The following SSPN variants were observed in gnomAD, a reference collection of about 807,000 sequenced individuals.
SSPN encodes the protein sarcospan, also known as K-ras oncogene-associated protein.
Under a neutral mutation model 19.1 loss-of-function variants are expected in SSPN, and 15 were observed. The ratio of observed to expected loss-of-function variants is 0.78; its 90% CI spans 0.52 to 1.21. SSPN has a LOEUF of 1.21. SSPN is among the 50% of genes most tolerant of loss of function. The pLI is 0.00. For missense variants in SSPN, 291 were observed against 314.0 expected (o/e 0.93, Z 0.55); for synonymous variants, 147 against 140.3 (o/e 1.05, Z -0.34).
intron 1 of SSPN, among the ~76,000 whole-genome samples, chr12:26,223,659 T>A (rs1183738326): frequency 6.6e-6 from 1 of 152,218 alleles, no homozygotes; most frequent in Non-Finnish European, 1.5e-5. Context: ...GCTTTGTGCC[T>A]TTTCTTTCTT....
At chr12:26,125,120 G>T (rs1398323117) in intron 1 of SSPN, 3 of 432,576 alleles carry the variant, frequency 6.9e-6, no homozygotes, top group Non-Finnish European at 1.3e-5. Flanking sequence ...CCCGGAGGGG[G>T]GCGGGGGAGG....
At chr12:26,145,777 C>T (rs1488424693) in intron 1 of SSPN, among the ~76,000 whole-genome samples, 4 of 152,150 alleles carry the variant, frequency 2.6e-5, no homozygotes, top group African/African-American at 7.2e-5. Context: ...ACTGGTATTC[C>T]GCCCTCGTGC....
intron 1 of SSPN, chr12:26,122,650 TGCCGCCGCCGCG>T (rs1565664677): frequency 7.4e-7 from 1 of 1,346,690 alleles, no homozygotes; most frequent in Non-Finnish European, 9.6e-7. Flanking sequence ...CCGCCGCCGC[TGCCGCCGCCGCG>T]GGAATCCAGC....
chr12:26,173,719 T>G (rs368741699), intron 1 of SSPN, among the ~76,000 whole-genome samples: 2 of 152,248 alleles, frequency 1.3e-5, no homozygotes, highest in Non-Finnish European at 2.9e-5. Context: ...AATCATTGAT[T>G]GACAAGCCAT....
chr12:26,178,540 A>G (rs1426346513), intron 1 of SSPN, among the ~76,000 whole-genome samples: 1 of 152,186 alleles, frequency 6.6e-6, no homozygotes, highest in Admixed American at 6.5e-5. Context: ...GGGGTGGGGA[A>G]CAAAAGCAAA....
At chr12:26,156,119 A>G (rs1944554419) in intron 1 of SSPN, among the ~76,000 whole-genome samples, 1 of 152,204 alleles carries the variant, frequency 6.6e-6, no homozygotes, top group Admixed American at 6.5e-5. Flanking sequence ...AAGAAAATTA[A>G]TATTTTTTGG....
intron 1 of SSPN, chr12:26,126,661 C>T (rs1944367661): frequency 6.6e-6 from 1 of 152,132 alleles, no homozygotes; most frequent in African/African-American, 2.4e-5. Flanking sequence ...CGGCCGCTCG[C>T]GCTGCTGCAG....
intron 1 of SSPN, among the ~76,000 whole-genome samples, chr12:26,137,636 G>GTATGTATA (rs1555175654): frequency 4.1e-4 from 13 of 31,378 alleles, no homozygotes; most frequent in Middle Eastern, 0.021. Flanking sequence ...GTGTGTGTAT[G>GTATGTATA]TATATATATA....
In SSPN at chr12:26,137,259, G is replaced by A. The variant is rs1023627376; in HGVS notation, c.-31+15107G>A. Among the ~76,000 whole-genome samples, 38 of 152,316 alleles carry A rather than the reference G, an allele frequency of 2.5e-4. 1 individual carries two copies. Among genetic ancestry groups the A allele is most frequent in the Non-Finnish European group, 4.0e-4 (27 of 68,034 alleles). ...AGGATTTGAAGAAAACACTGCGGCT[G>A]CAGAGTCATTGCCCATAATCTTGAC... On this transcript the variant is annotated intron_variant, in intron 1 of 2. Transcript: ENST00000538142.
chr12:26,192,410 T>C (rs1944794812), upstream of SSPN, among the ~76,000 whole-genome samples: 1 of 152,226 alleles, frequency 6.6e-6, no homozygotes, highest in Non-Finnish European at 1.5e-5. Flanking sequence ...AACTCTATGA[T>C]GAGCTAGACG....
chr12:26,152,010 C>A (rs561571534), intron 1 of SSPN, among the ~76,000 whole-genome samples: 1 of 152,272 alleles, frequency 6.6e-6, no homozygotes, highest in South Asian at 2.1e-4. Context: ...AGAAGAATTT[C>A]TCAATATTTT....
chr12:26,210,010 A>G (rs1369079042), intron 1 of SSPN, among the ~76,000 whole-genome samples: 3 of 152,088 alleles, frequency 2.0e-5, no homozygotes, highest in African/African-American at 7.2e-5. Flanking sequence ...CAGTGATGTT[A>G]CAGGCCTAGA....
chr12:26,167,963 C>T (rs948891765), intron 1 of SSPN, among the ~76,000 whole-genome samples: 1 of 152,128 alleles, frequency 6.6e-6, no homozygotes, highest in Non-Finnish European at 1.5e-5. Flanking sequence ...GCTGTAATCC[C>T]AGCATTTTGG....
At chr12:26,219,387 A>G (rs1308852768) in intron 1 of SSPN, among the ~76,000 whole-genome samples, 1 of 152,178 alleles carries the variant, frequency 6.6e-6, no homozygotes, top group African/African-American at 2.4e-5. Context: ...TTTTATTCAT[A>G]ATACAAACCC....
At chr12:26,137,664 T>A (rs1437365629) in intron 1 of SSPN, among the ~76,000 whole-genome samples, 3,495 of 71,570 alleles carry the variant, frequency 0.049, 110 homozygotes, top group African/African-American at 0.14. Flanking sequence ...ATATTTTTTT[T>A]TTTTTTTTTT....
intron 1 of SSPN, chr12:26,122,426 C>A (rs1565664417): frequency 1.5e-6 from 2 of 1,349,482 alleles, no homozygotes; most frequent in Non-Finnish European, 1.9e-6. Context: ...GGAAGGGCTG[C>A]ACGTAGGCGG....
intron 1 of SSPN, among the ~76,000 whole-genome samples, chr12:26,143,119 T>G (rs1432955033): frequency 6.6e-6 from 1 of 152,252 alleles, no homozygotes; most frequent in Non-Finnish European, 1.5e-5. Context: ...TTATGACAAA[T>G]TAATATGGCC....
chr12:26,205,436 G>C (rs1944923046), intron 1 of SSPN, among the ~76,000 whole-genome samples: 1 of 152,082 alleles, frequency 6.6e-6, no homozygotes, highest in South Asian at 2.1e-4. Context: ...ACTAAGTGGG[G>C]GAAAAAACAC....
At chr12:26,183,749 C>T (rs1009267163) in intron 1 of SSPN, among the ~76,000 whole-genome samples, 2 of 152,196 alleles carry the variant, frequency 1.3e-5, no homozygotes, top group Non-Finnish European at 2.9e-5. Flanking sequence ...GGGAATGCCG[C>T]AAGTTGCTGG....
Sources: gnomAD v4.1 joint callset for allele counts (sites outside exome capture counted in the v4.1 genomes callset) on GRCh38, gnomAD v4.1.1 for gene constraint, MANE v1.5 for transcripts, NCBI Gene and HGNC (gene_info 2026-07-23, HGNC 2026-07-21) for gene names.